The following FIZ1 variants were observed in gnomAD, a reference collection of about 807,000 sequenced individuals.
FIZ1 encodes FLT3 interacting zinc finger 1, also known as flt3-interacting zinc finger protein 1.
A neutral mutation model predicts 5.3 loss-of-function variants in FIZ1; 2 were observed. That is an observed-to-expected ratio of 0.37 (90% CI 0.15 to 1.18). FIZ1 has a LOEUF of 1.18. FIZ1 is among the 50% of genes most tolerant of loss of function. FIZ1 has a pLI of 0.37. For synonymous variants in FIZ1, 407 were observed against 364.2 expected (o/e 1.12, Z -1.34); for missense variants, 631 against 749.7 (o/e 0.84, Z 1.85).
chr19:55,592,840 G>A lies in FIZ1; in HGVS notation c.1101C>T (p.Tyr367=), dbSNP rs775677859. 2 of 1,563,600 alleles carry A rather than the reference G, an allele frequency of 1.3e-6. No homozygotes were observed. Among genetic ancestry groups the A allele is most frequent in the Admixed American group, 1.8e-5 (1 of 54,854 alleles). ...TYGCGHCGAL[Y]AALAALEEHR... is the part of the protein sequence containing the mutation. ...GCTCCTCCAAGGCGGCCAGCGCCGC[G>A]TACAGAGCCCCGCAGTGGCCGCAGC... Residue 367 remains tyrosine (Y), a synonymous_variant, in exon 3 of 3, where the codon TAC becomes TAT. Transcript: ENST00000221665. This position sits in a 1 kb window ranked among gnomAD's most constrained non-coding sequence, Gnocchi z 6.9.
intron 2 of FIZ1, among the ~76,000 whole-genome samples, chr19:55,597,318 C>T (rs1444315637): frequency 2.6e-5 from 4 of 152,132 alleles, no homozygotes; most frequent in Admixed American, 1.3e-4. Context: ...GGAGATGGGG[C>T]GGGCAGGAGC....
At chr19:55,598,022 A>C in intron 1 of FIZ1, 121 bp from the exon 2 acceptor site, 1 of 1,108,072 alleles carries the variant, frequency 9.0e-7, no homozygotes, top group African/African-American at 1.6e-5. Context: ...CCACCTCTCT[A>C]AGCCACTCTC....
Position 55,597,979 on chromosome 19 carries a change from C to CA in FIZ1, c.-36-79dup, listed in dbSNP as rs1169698850. 2.8e-6 allele frequency: 4 copies of CA among 1,420,012 alleles called. No homozygotes were observed. In the African/African-American group the frequency reaches 5.7e-5, roughly 20 times the overall value. 88.0% of individuals were successfully genotyped at this position (1,420,012 alleles called of 1,614,324 possible). On this transcript the variant is annotated intron_variant, in intron 1 of 2. Transcript: ENST00000221665. ...CTCTCTCCTCCCAGGTTCCCAGACC[C>CA]ACCACCTGTCCCCTGGGAGACCCTC...
chr19:55,593,715 T>C lies in FIZ1; in HGVS notation c.295-69A>G. ...TAGCCCGGACAACGGATTCCTGGAC[T>C]CCCAGAGGGTTGTGGCACAAGCTCT... On this transcript the variant is annotated intron_variant, in intron 2 of 2. Coordinates refer to ENST00000221665, the MANE Select transcript of FIZ1 (RefSeq NM_032836.3). The surrounding 1 kb of genome is among the most constrained non-coding windows in gnomAD (Gnocchi z 6.3). The C allele has an allele frequency of 7.1e-7, 1 of 1,401,596 alleles. No homozygotes were observed. Among genetic ancestry groups the C allele is most frequent in the South Asian group, 1.2e-5 (1 of 80,160 alleles). 86.8% of individuals were successfully genotyped at this position (1,401,596 alleles called of 1,614,324 possible). A position where few individuals can be genotyped will look rare whatever the true frequency, so the allele number is the denominator to read the frequency against.
Position 55,592,833 on chromosome 19 carries a change from G to A in FIZ1, c.1108C>T (p.Leu370=), listed in dbSNP as rs1261042228. 5 of 1,567,894 alleles carry A rather than the reference G, an allele frequency of 3.2e-6. No homozygotes were observed. The South Asian group carries it at 5.7e-5, about 18-fold the overall frequency. ...CGHCGALYAA[L]AALEEHRRVS... Reference sequence around the variant, plus strand: ...CGCCGGTGCTCCTCCAAGGCGGCCAGCGCCGCGTACAGAGCCCCGCAGTGG... The same window carrying A: ...CGCCGGTGCTCCTCCAAGGCGGCCAACGCCGCGTACAGAGCCCCGCAGTGG... The change falls in exon 3 of 3, where the codon CTG becomes TTG. Residue 370 remains leucine, a synonymous_variant. Coordinates refer to ENST00000221665, the MANE Select transcript of FIZ1 (RefSeq NM_032836.3). This position sits in a 1 kb window ranked among gnomAD's most constrained non-coding sequence, Gnocchi z 6.9.
rs757859906 is a variant in FIZ1, at chr19:55,592,901, C to T, written c.1040G>A (p.Ser347Asn). The T allele has an allele frequency of 8.4e-6, 13 of 1,540,970 alleles. No individual in the cohort carries two copies. Among genetic ancestry groups the T allele is most frequent in the Non-Finnish European group, 1.1e-5 (13 of 1,150,884 alleles). The change falls in exon 3 of 3, where the codon AGT becomes AAT. Residue 347 changes from serine to asparagine, a missense_variant. Around this residue, in one of 4 missense-constraint regions of FIZ1, gnomAD observed 463 missense variants for 455.1 expected, o/e 1.02. Coordinates refer to ENST00000221665, the MANE Select transcript of FIZ1 (RefSeq NM_032836.3). The surrounding 1 kb of genome is among the most constrained non-coding windows in gnomAD (Gnocchi z 6.9). ...CGGGCCCGAGTGGGCCTCCAGGTGACTGGCCAGGGCCGCGGCCGACGCAAA... is the reference window on the plus strand; with the variant it reads ...CGGGCCCGAGTGGGCCTCCAGGTGATTGGCCAGGGCCGCGGCCGACGCAAA... ...TFFASAAALASHLEAHSGPAT... is the reference protein window; with the variant it reads ...TFFASAAALANHLEAHSGPAT...
chr19:55,592,106 G>A lies in FIZ1; in HGVS notation c.*344C>T. 3.5e-6 allele frequency: 1 copy of A among 282,918 alleles called. No homozygotes were observed. Among genetic ancestry groups the A allele is most frequent in the Non-Finnish European group, 6.6e-6 (1 of 152,200 alleles). The allele number at this position is 282,918 out of a possible 1,614,324, so 17.5% of individuals were successfully genotyped here. ...CATCTTTTAGTATTAGGGCTCTCAAGATGAGAGGTACTTGTGGAGACCCAT... is the reference window on the plus strand; with the variant it reads ...CATCTTTTAGTATTAGGGCTCTCAAAATGAGAGGTACTTGTGGAGACCCAT... On this transcript the variant is annotated 3_prime_UTR_variant, in exon 3 of 3. Transcript: ENST00000221665. This position sits in a 1 kb window ranked among gnomAD's most constrained non-coding sequence, Gnocchi z 6.9.
intron 2 of FIZ1, among the ~76,000 whole-genome samples, chr19:55,596,703 C>T (rs112796757): frequency 2.0e-4 from 30 of 152,312 alleles, no homozygotes; most frequent in African/African-American, 6.7e-4. Flanking sequence ...GACTGAGTCT[C>T]GCTCTGTCGC....
intron 2 of FIZ1, among the ~76,000 whole-genome samples, chr19:55,594,454 T>C (rs1205357114): frequency 6.8e-6 from 1 of 146,482 alleles, no homozygotes; most frequent in Non-Finnish European, 1.5e-5. Flanking sequence ...TCCTAGCACT[T>C]TGGGAGGCCG....
chr19:55,591,823 T>C lies in FIZ1; in HGVS notation c.*627A>G, dbSNP rs1368941530. 1 of 152,408 alleles carries C rather than the reference T, an allele frequency of 6.6e-6. No homozygotes were observed. Among genetic ancestry groups the C allele is most frequent in the Non-Finnish European group, 1.5e-5 (1 of 68,106 alleles). The allele number at this position is 152,408 out of a possible 1,614,324, so 9.4% of individuals were successfully genotyped here. On this transcript the variant is annotated 3_prime_UTR_variant, in exon 3 of 3. Coordinates refer to ENST00000221665, the MANE Select transcript of FIZ1 (RefSeq NM_032836.3). Reference sequence around the variant, plus strand: ...GGGGAAGATCGTTAGGGTCGATCCATTCCACAGTCGGGGAGGGGGGATTCG... The same window carrying C: ...GGGGAAGATCGTTAGGGTCGATCCACTCCACAGTCGGGGAGGGGGGATTCG...
chr19:55,593,003 C>G lies in FIZ1; in HGVS notation c.938G>C (p.Gly313Ala). 3 of 1,496,264 alleles carry G rather than the reference C, an allele frequency of 2.0e-6. No homozygotes were observed. The highest frequency in any genetic ancestry group is 2.7e-6 in the Non-Finnish European group (3 of 1,130,202). The allele number at this position is 1,496,264 out of a possible 1,614,324, so 92.7% of individuals were successfully genotyped here. ...PKLGGLLPEG[G>A]GEAPAPAAAA... is the part of the protein sequence containing the mutation. ...CGCCGCAGGTGCAGGCGCCTCCCCA[C>G]CGCCCTCGGGGAGCAGCCCCCCGAG... is the stretch of plus-strand genomic sequence containing the variant. Residue 313 changes from glycine to alanine, a missense_variant, in exon 3 of 3, where the codon GGT becomes GCT. Gly to Ala is a moderately conservative substitution (Grantham distance 60). Coordinates refer to ENST00000221665, the MANE Select transcript of FIZ1 (RefSeq NM_032836.3). The surrounding 1 kb of genome is among the most constrained non-coding windows in gnomAD (Gnocchi z 6.3).
At chr19:55,596,273 G>C (rs145733252) in intron 2 of FIZ1, among the ~76,000 whole-genome samples, 4 of 152,112 alleles carry the variant, frequency 2.6e-5, no homozygotes, top group Admixed American at 2.6e-4. Context: ...TGAGAAAGCC[G>C]GGGCCAACAT....
rs770504277 is a variant in FIZ1, at chr19:55,597,599, G to A, written c.267C>T (p.Arg89=). The A allele has an allele frequency of 1.2e-5, 19 of 1,612,422 alleles. No homozygotes were observed. In the East Asian group the frequency reaches 3.1e-4, roughly 26 times the overall value. The part of the protein sequence containing the change: ...YRCSACPKGF[R]DSTGLLHHQV... ...GGTGGTGCAGCAGGCCGGTGGAGTC[G>A]CGGAACCCCTTGGGGCAGGCAGAGC... Residue 89 remains arginine, a synonymous_variant, in exon 2 of 3, where the codon CGC becomes CGT. Transcript: ENST00000221665.
Position 55,593,241 on chromosome 19 carries a change from C to A in FIZ1, c.700G>T (p.Glu234Ter). The change falls in exon 3 of 3, where the codon GAG becomes TAG. Residue 234 changes from glutamate to a stop codon, truncating the protein, a stop_gained. Transcript: ENST00000221665. LOFTEE classifies it low-confidence loss of function (END_TRUNC). The surrounding 1 kb of genome is among the most constrained non-coding windows in gnomAD (Gnocchi z 6.3). Reference protein sequence around the residue: ...DVKPFKCPRCERDFNAPALLE... With the variant: ...DVKPFKCPRC ...AGCGCGGGCGCGTTGAAGTCGCGCT[C>A]GCAGCGCGGGCACTTGAAGGGCTTC... The A allele has an allele frequency of 1.6e-6, 2 of 1,251,748 alleles. No homozygotes were observed. The highest frequency in any genetic ancestry group is 1.9e-5 in the South Asian group (1 of 52,502). The allele number at this position is 1,251,748 out of a possible 1,614,324, so 77.5% of individuals were successfully genotyped here.
chr19:55,597,293 G>A lies in FIZ1; in HGVS notation c.294+279C>T, dbSNP rs1432681272. 3.3e-5 allele frequency among the ~76,000 whole-genome samples: 5 copies of A among 152,344 alleles called. No individual in the cohort carries two copies. In the East Asian group the frequency reaches 7.7e-4, roughly 23 times the overall value. On this transcript the variant is annotated intron_variant, in intron 2 of 2. Coordinates refer to ENST00000221665, the MANE Select transcript of FIZ1 (RefSeq NM_032836.3). ...AGATTGCAGATGCTGGTGCGTGCAC[G>A]CGGGGTATTGGCAGGGAGATGGGGC...
At chr19:55,599,232 C>T (rs1262659209) in intron 1 of FIZ1, 1 of 153,006 alleles carries the variant, frequency 6.5e-6, no homozygotes, top group African/African-American at 2.4e-5. Context: ...ACCCCGCAGC[C>T]TGAGGAGCGG....
At chr19:55,596,450 C>A (rs546026368) in intron 2 of FIZ1, among the ~76,000 whole-genome samples, 39 of 152,252 alleles carry the variant, frequency 2.6e-4, no homozygotes, top group Admixed American at 5.9e-4. Context: ...TTACCTCCTT[C>A]CACCCCAACC....
At chr19:55,598,157 G>A (rs1222287588) in intron 1 of FIZ1, 3 of 482,812 alleles carry the variant, frequency 6.2e-6, no homozygotes, top group East Asian at 3.4e-5. Context: ...GCCTCTCCTC[G>A]CTCTTCGCCA....
chr19:55,595,419 C>A (rs1980279740), intron 2 of FIZ1, among the ~76,000 whole-genome samples: 1 of 152,178 alleles, frequency 6.6e-6, no homozygotes, highest in Non-Finnish European at 1.5e-5. Flanking sequence ...GCCTGGAATG[C>A]CCGTAGGTCT....
Sources: gnomAD v4.1 joint callset for allele counts (sites outside exome capture counted in the v4.1 genomes callset) on GRCh38, gnomAD v4.1.1 for gene constraint, gnomAD v4.1.1 regional missense constraint, Gnocchi (gnomAD v3.1) non-coding constraint, MANE v1.5 for transcripts, NCBI Gene and HGNC (gene_info 2026-07-23, HGNC 2026-07-21) for gene names.